CNBD1: variants seen among roughly 807,000 people sequenced by gnomAD.
CNBD1 encodes the protein cyclic nucleotide-binding domain-containing protein 1.
A neutral mutation model predicts 54.4 loss-of-function variants in CNBD1; 71 were observed. The observed-to-expected ratio is 1.30, with a 90% CI of 1.08 to 1.59. The LOEUF (loss-of-function observed/expected upper bound fraction) is 1.59. CNBD1 is among the 40% of genes most tolerant of loss of function. CNBD1 has a pLI of 0.00. For missense variants in CNBD1, 659 were observed against 518.0 expected, an observed-to-expected ratio of 1.27 and a Z score of -2.64; for synonymous variants, 182 against 170.7, an observed-to-expected ratio of 1.07 and a Z score of -0.51.
intron 4 of CNBD1, among the ~76,000 whole-genome samples, chr8:87,193,680 AT>A (rs1449363085): frequency 6.6e-6 from 1 of 152,032 alleles, no homozygotes. Flanking sequence ...TGTTTTATTA[AT>A]TTTTTTCTTT....
At chr8:87,225,100 T>C (rs1285139873) in intron 5 of CNBD1, among the ~76,000 whole-genome samples, 1 of 151,266 alleles carries the variant, frequency 6.6e-6, no homozygotes, top group Admixed American at 6.6e-5. Context: ...TTTTGTATCC[T>C]GAGACTTTGC....
At chr8:87,396,073 A>G (rs1261847732) in intron 2 of CNBD1, among the ~76,000 whole-genome samples, 1 of 151,966 alleles carries the variant, frequency 6.6e-6, no homozygotes, top group Non-Finnish European at 1.5e-5. Flanking sequence ...CTTTATGAGC[A>G]GAGTGAGAAA....
At chr8:86,995,616 A>G (rs1808853644) in intron 4 of CNBD1, among the ~76,000 whole-genome samples, 1 of 152,108 alleles carries the variant, frequency 6.6e-6, no homozygotes, top group Admixed American at 6.6e-5. Flanking sequence ...GCACAAGGAC[A>G]TTAAAGGGAA....
chr8:86,937,036 A>G (rs1296747571), intron 3 of CNBD1, among the ~76,000 whole-genome samples: 1 of 152,190 alleles, frequency 6.6e-6, no homozygotes, highest in East Asian at 1.9e-4. Context: ...CACACTGCTA[A>G]TAAAGATATA....
At chr8:87,066,392 T>C (rs1279155193) in intron 4 of CNBD1, among the ~76,000 whole-genome samples, 2 of 151,942 alleles carry the variant, frequency 1.3e-5, no homozygotes, top group Non-Finnish European at 2.9e-5. Flanking sequence ...CAGGACATCC[T>C]CTCCTCTACA....
chr8:87,040,716 G>A (rs367582578), intron 4 of CNBD1, among the ~76,000 whole-genome samples: 46 of 151,674 alleles, frequency 3.0e-4, no homozygotes, highest in Middle Eastern at 6.8e-3. Context: ...GAGCCACTGC[G>A]TCTGGCCTGT....
At position 87,275,095 on chromosome 8, in the gene CNBD1, G is replaced by A. The variant is rs553464064; in HGVS notation, c.772-9583G>A. On this transcript the variant is annotated intron_variant, in intron 6 of 10. Transcript: ENST00000518476. The stretch of plus-strand genomic sequence containing the variant: ...GATCAGATAGCTGTAGATATGCGGC[G>A]TTATTTCTGAGGGCTGTGTTCTGTT... Among the ~76,000 whole-genome samples the A allele has an allele frequency of 2.1e-4, 29 of 135,854 alleles. 1 individual carries two copies. The highest frequency in any genetic ancestry group is 4.1e-4 in the African/African-American group (14 of 33,774). 89.1% of individuals were successfully genotyped at this position (135,854 alleles called of 152,430 possible). A position where few individuals can be genotyped will look rare whatever the true frequency, so the allele number is the denominator to read the frequency against.
rs375843352 is a variant in CNBD1, at chr8:87,138,013, C to T, written c.432-67980C>T. On this transcript the variant is annotated intron_variant, in intron 4 of 10. Transcript: ENST00000518476. ...TTATATTTCAAATTTAACCTCATTA[C>T]ATAAAACCCCAAAATATCTAATTCG... Among the ~76,000 whole-genome samples the T allele has an allele frequency of 1.4e-3, 210 of 152,240 alleles. 3 individuals carry two copies. In the South Asian group the frequency reaches 0.024, roughly 17 times the overall value.
chr8:87,166,061 G>T lies in CNBD1; in HGVS notation c.432-39932G>T, dbSNP rs1812956879. On this transcript the variant is annotated intron_variant, in intron 4 of 10. Transcript: ENST00000518476. The surrounding 1 kb of genome is among the most constrained non-coding windows in gnomAD (Gnocchi z 4.3). ...TTGTCATTTTGAAGGCCTTATAAGG[G>T]CATCTTCTACCATATCTGAAATAAA... is the stretch of plus-strand genomic sequence containing the variant. Among the ~76,000 whole-genome samples, 1 of 151,840 alleles carries T rather than the reference G, an allele frequency of 6.6e-6. No individual in the cohort carries two copies. Among genetic ancestry groups the T allele is most frequent in the Admixed American group, 6.6e-5 (1 of 15,206 alleles).
chr8:87,398,098 GT>G (rs1226519792), intron 2 of CNBD1, among the ~76,000 whole-genome samples: 6 of 150,824 alleles, frequency 4.0e-5, no homozygotes, highest in Admixed American at 1.3e-4. Flanking sequence ...TTTTCTCTAA[GT>G]TTTTAGATAT....
At chr8:87,045,106 G>A (rs895765028) in intron 4 of CNBD1, among the ~76,000 whole-genome samples, 1 of 152,248 alleles carries the variant, frequency 6.6e-6, no homozygotes, top group South Asian at 2.1e-4. Context: ...ACCAGCTAGG[G>A]TTTCTTCTGG....
At chr8:87,334,886 G>A (rs890088577) in intron 8 of CNBD1, among the ~76,000 whole-genome samples, 6 of 151,946 alleles carry the variant, frequency 3.9e-5, no homozygotes, top group Admixed American at 3.3e-4. Flanking sequence ...ACCATGCCCA[G>A]CTAATTTTTT....
chr8:87,390,584 G>A (rs944448268), intron 2 of CNBD1, among the ~76,000 whole-genome samples: 33 of 152,052 alleles, frequency 2.2e-4, no homozygotes, highest in Non-Finnish European at 4.0e-4. Flanking sequence ...TAAAAAGTCA[G>A]GAAACAAGAG....
intron 4 of CNBD1, among the ~76,000 whole-genome samples, chr8:86,987,849 T>A (rs1178660913): frequency 6.6e-6 from 1 of 152,190 alleles, no homozygotes; most frequent in Non-Finnish European, 1.5e-5. Flanking sequence ...AAAGCCTACT[T>A]ACTTGATCAT....
At chr8:87,388,588 C>T (rs1197368197) in intron 2 of CNBD1, among the ~76,000 whole-genome samples, 2 of 152,122 alleles carry the variant, frequency 1.3e-5, no homozygotes, top group African/African-American at 4.8e-5. Flanking sequence ...ATAACAGGCT[C>T]TGAAATTGAG....
intron 4 of CNBD1, among the ~76,000 whole-genome samples, chr8:87,109,683 C>T (rs904807406): frequency 2.3e-4 from 35 of 151,608 alleles, no homozygotes; most frequent in African/African-American, 8.2e-4. Context: ...GGACTACAGG[C>T]GCCCGCCACC....
intron 10 of CNBD1, among the ~76,000 whole-genome samples, chr8:87,362,010 T>C (rs528972277): frequency 1.3e-5 from 2 of 152,222 alleles, no homozygotes; most frequent in Admixed American, 6.6e-5. Flanking sequence ...GGCTTCTTTG[T>C]TTAAGAATGT....
intron 4 of CNBD1, among the ~76,000 whole-genome samples, chr8:86,982,813 G>A (rs918862477): frequency 2.6e-5 from 4 of 152,048 alleles, no homozygotes; most frequent in Non-Finnish European, 1.5e-5. Flanking sequence ...TTGATGATTA[G>A]TACACAACAA....
chr8:87,319,799 TTCTA>T (rs1312720753), intron 8 of CNBD1, among the ~76,000 whole-genome samples: 2 of 152,090 alleles, frequency 1.3e-5, no homozygotes, highest in South Asian at 2.1e-4. Flanking sequence ...AAAAAAGCGT[TTCTA>T]TATAGCTCAT....
Sources: gnomAD v4.1 joint callset for allele counts (sites outside exome capture counted in the v4.1 genomes callset) on GRCh38, gnomAD v4.1.1 for gene constraint, Gnocchi (gnomAD v3.1) non-coding constraint, MANE v1.5 for transcripts, NCBI Gene and HGNC (gene_info 2026-07-23, HGNC 2026-07-21) for gene names.